The following FGD4 variants were observed in gnomAD, a reference collection of about 807,000 sequenced individuals.
FGD4 encodes the protein FYVE, RhoGEF and PH domain containing 4, also known as FYVE, RhoGEF and PH domain-containing protein 4.
A neutral mutation model predicts 102.0 loss-of-function variants in FGD4; 42 were observed. That is an observed-to-expected ratio of 0.41 (90% CI 0.32 to 0.53). The LOEUF (loss-of-function observed/expected upper bound fraction) is 0.53, where lower values mean the gene tolerates loss of function less well. Among genes scored for constraint, FGD4 ranks in the 20% least tolerant of loss-of-function variants. FGD4 has a pLI of 0.21. For synonymous variants in FGD4, 380 were observed against 375.7 expected, an observed-to-expected ratio of 1.01 and a Z score of -0.13; for missense variants, 902 against 1,078.2, an observed-to-expected ratio of 0.84 and a Z score of 2.29.
At chr12:32,562,653 C>T (rs554348226) in intron 1 of FGD4, among the ~76,000 whole-genome samples, 1 of 152,316 alleles carries the variant, frequency 6.6e-6, no homozygotes, top group East Asian at 1.9e-4. Context: ...TTTAACAAAG[C>T]ACATCCTGCA....
intron 1 of FGD4, among the ~76,000 whole-genome samples, chr12:32,496,398 C>T (rs1407975822): frequency 3.3e-5 from 5 of 152,124 alleles, no homozygotes; most frequent in African/African-American, 1.2e-4. Context: ...TGCTGTTTAC[C>T]TGGTACTATA....
intron 1 of FGD4, among the ~76,000 whole-genome samples, chr12:32,431,782 A>C (rs1057246767): frequency 2.0e-5 from 3 of 152,080 alleles, no homozygotes; most frequent in African/African-American, 7.2e-5. Flanking sequence ...TAAAAAAAAA[A>C]AAAGAAAATA....
At chr12:32,612,125 G>A (rs555594265) in intron 10 of FGD4, among the ~76,000 whole-genome samples, 1 of 152,360 alleles carries the variant, frequency 6.6e-6, no homozygotes, top group African/African-American at 2.4e-5. Flanking sequence ...TGGGAGGGAA[G>A]CCAAGGGGTT....
intron 2 of FGD4, among the ~76,000 whole-genome samples, chr12:32,571,740 T>G (rs1204211599): frequency 6.6e-6 from 1 of 152,134 alleles, no homozygotes; most frequent in East Asian, 1.9e-4. Context: ...TAGGGGATTT[T>G]GCCAAGTGGA....
chr12:32,459,006 A>G (rs1006786975), intron 1 of FGD4, among the ~76,000 whole-genome samples: 1 of 152,196 alleles, frequency 6.6e-6, no homozygotes, highest in African/African-American at 2.4e-5. Context: ...TCCTTTCCTC[A>G]TGTAACTGGC....
intron 1 of FGD4, among the ~76,000 whole-genome samples, chr12:32,410,931 CT>C (rs747780109): frequency 0.061 from 7,705 of 126,736 alleles, 178 homozygotes; most frequent in Middle Eastern, 0.12. Flanking sequence ...TTTTTTTTTT[CT>C]TTTTTTTTTT....
intron 1 of FGD4, among the ~76,000 whole-genome samples, chr12:32,551,813 C>G (rs2136195722): frequency 6.6e-6 from 1 of 152,228 alleles, no homozygotes; most frequent in African/African-American, 2.4e-5. Flanking sequence ...ATGATGTATT[C>G]ACTGATATTA....
chr12:32,630,644 C>T (rs1442594729), intron 14 of FGD4, among the ~76,000 whole-genome samples: 2 of 152,006 alleles, frequency 1.3e-5, no homozygotes, highest in African/African-American at 2.4e-5. Context: ...GGTGAAACCC[C>T]GTCTCTACTA....
chr12:32,451,128 A>G (rs1456302606), intron 1 of FGD4, among the ~76,000 whole-genome samples: 1 of 152,232 alleles, frequency 6.6e-6, no homozygotes. Flanking sequence ...GGTCTTGCCT[A>G]TCTCCTTTAA....
chr12:32,593,205 T>C (rs189737661), intron 4 of FGD4, among the ~76,000 whole-genome samples: 1 of 152,330 alleles, frequency 6.6e-6, no homozygotes, highest in African/African-American at 2.4e-5. Context: ...TCAGTTTATG[T>C]AAAATAATTA....
intron 1 of FGD4, among the ~76,000 whole-genome samples, chr12:32,477,774 T>G (rs1430783544): frequency 6.6e-6 from 1 of 152,202 alleles, no homozygotes; most frequent in African/African-American, 2.4e-5. Context: ...TCTGGATGCA[T>G]TGTAGAAATG....
chr12:32,615,675 C>T (rs1007565574), intron 10 of FGD4, among the ~76,000 whole-genome samples: 4 of 151,546 alleles, frequency 2.6e-5, no homozygotes, highest in Non-Finnish European at 4.4e-5. Flanking sequence ...GCATATGAAG[C>T]GGGAGAGCAG....
chr12:32,518,765 G>A (rs1940171602), intron 1 of FGD4, among the ~76,000 whole-genome samples: 1 of 151,242 alleles, frequency 6.6e-6, no homozygotes, highest in South Asian at 2.1e-4. Context: ...TTAATGGCAC[G>A]ATATTTAAAC....
At chr12:32,452,555 T>C (rs1180408473) in intron 1 of FGD4, among the ~76,000 whole-genome samples, 1 of 152,246 alleles carries the variant, frequency 6.6e-6, no homozygotes, top group East Asian at 1.9e-4. Context: ...CTGAATTGGT[T>C]AGATTTACAC....
intron 1 of FGD4, among the ~76,000 whole-genome samples, chr12:32,412,640 C>G (rs1339209722): frequency 7.9e-5 from 12 of 152,086 alleles, no homozygotes; most frequent in Non-Finnish European, 1.8e-4. Context: ...GATGGAGTCT[C>G]GCGCCATCGC....
intron 1 of FGD4, among the ~76,000 whole-genome samples, chr12:32,467,214 G>C (rs1012925487): frequency 1.3e-5 from 2 of 152,124 alleles, no homozygotes; most frequent in African/African-American, 2.4e-5. Flanking sequence ...GAGGATTACA[G>C]TTTGGTAAAA....
At position 32,625,680 on chromosome 12, in the gene FGD4, A is replaced by C; in HGVS notation, c.2073A>C (p.Pro691=). 1 of 1,614,112 alleles carries C rather than the reference A, an allele frequency of 6.2e-7. No homozygotes were observed. The highest frequency in any genetic ancestry group is 8.5e-7 in the Non-Finnish European group (1 of 1,180,000). ...VSTAELGKRA[P]RWIRDNEVTM... ...CTGCTGAGCTAGGGAAAAGAGCCCC[A>C]AGATGGATCCGAGATAATGAAGTGA... is the stretch of plus-strand genomic sequence containing the variant. The change falls in exon 14 of 17, where the codon CCA becomes CCC. Residue 691 remains proline, a synonymous_variant. Transcript: ENST00000534526.
chr12:32,465,552 C>T (rs1192315318), intron 1 of FGD4, among the ~76,000 whole-genome samples: 1 of 152,074 alleles, frequency 6.6e-6, no homozygotes, highest in Non-Finnish European at 1.5e-5. Context: ...CCTGTAGTCC[C>T]AGCTACTCGG....
At chr12:32,504,767 C>T (rs1429893773) in intron 1 of FGD4, among the ~76,000 whole-genome samples, 1 of 152,152 alleles carries the variant, frequency 6.6e-6, no homozygotes, top group East Asian at 1.9e-4. Flanking sequence ...TGATTCAAAT[C>T]CATGAACATT....
Sources: gnomAD v4.1 joint callset for allele counts (sites outside exome capture counted in the v4.1 genomes callset) on GRCh38, gnomAD v4.1.1 for gene constraint, MANE v1.5 for transcripts, NCBI Gene and HGNC (gene_info 2026-07-23, HGNC 2026-07-21) for gene names.